The following HDAC9 variants were observed in gnomAD, a reference collection of about 807,000 sequenced individuals.
The protein encoded by HDAC9 is MEF-2 interacting transcription repressor (MITR) protein.
In HDAC9, 41 loss-of-function variants were observed where a neutral mutation model predicts 139.4. The observed-to-expected ratio is 0.29, with a 90% CI of 0.23 to 0.38. The LOEUF (loss-of-function observed/expected upper bound fraction) is 0.38. Ranked by LOEUF, HDAC9 falls within the 10% of genes least tolerant of loss-of-function variation. The probability of loss-of-function intolerance (pLI) is 1.00; values close to 1 mark genes in which losing one functional copy is unlikely to be tolerated. For missense variants in HDAC9, 1,147 were observed against 1,297.0 expected, an observed-to-expected ratio of 0.88 and a Z score of 1.78; for synonymous variants, 517 against 476.2, an observed-to-expected ratio of 1.09 and a Z score of -1.12.
At chr7:18,572,351 TCAAATATGA>T (rs1824589034) in intron 2 of HDAC9, among the ~76,000 whole-genome samples, 1 of 148,342 alleles carries the variant, frequency 6.7e-6, no homozygotes, top group African/African-American at 2.5e-5. Flanking sequence ...TTTGTCATAT[TCAAATATGA>T]CAAATAGCTA....
At chr7:18,609,988 T>C (rs1489436605) in intron 6 of HDAC9, among the ~76,000 whole-genome samples, 1 of 152,106 alleles carries the variant, frequency 6.6e-6, no homozygotes, top group African/African-American at 2.4e-5. Context: ...TGGAAGACAG[T>C]GTGGCGATTC....
chr7:18,917,922 G>A (rs181792887), intron 22 of HDAC9, among the ~76,000 whole-genome samples: 110 of 152,048 alleles, frequency 7.2e-4, no homozygotes, highest in African/African-American at 2.4e-3. Context: ...ACCAAACTGA[G>A]CAGTTTAAGC....
rs144245077 is a variant in HDAC9, at chr7:18,930,036, T to A, written c.2804-5773T>A. 5.6e-3 allele frequency among the ~76,000 whole-genome samples: 846 copies of A among 152,288 alleles called. 9 individuals are homozygous for A. The highest frequency in any genetic ancestry group is 0.017 in the African/African-American group (715 of 41,552). On this transcript the variant is annotated intron_variant, in intron 22 of 25. Coordinates refer to ENST00000686413, the MANE Select transcript of HDAC9 (RefSeq NM_178425.4). The stretch of plus-strand genomic sequence containing the variant: ...GTAGTCAATACAGGTAATAGGGATG[T>A]CTGTCAAGGCTGATTTTTAGTCAGT...
intron 6 of HDAC9, among the ~76,000 whole-genome samples, chr7:18,628,980 GA>G: frequency 6.6e-6 from 1 of 152,226 alleles, no homozygotes; most frequent in South Asian, 2.1e-4. Context: ...ACCCTTGAGA[GA>G]ATTAAGAGGC....
At chr7:18,799,286 C>T (rs1316584902) in intron 17 of HDAC9, among the ~76,000 whole-genome samples, 1 of 152,054 alleles carries the variant, frequency 6.6e-6, no homozygotes, top group African/African-American at 2.4e-5. Flanking sequence ...GGAACAACAA[C>T]AAATCCTGGA....
At chr7:18,402,083 A>G (rs1787594618) in intron 1 of HDAC9, among the ~76,000 whole-genome samples, 1 of 152,230 alleles carries the variant, frequency 6.6e-6, no homozygotes, top group Non-Finnish European at 1.5e-5. Flanking sequence ...GAAAGGAAAC[A>G]ACTAATATTT....
chr7:18,255,626 CTTTT>C (rs11386457), intron 2 of HDAC9, among the ~76,000 whole-genome samples: 1 of 113,606 alleles, frequency 8.8e-6, no homozygotes, highest in African/African-American at 3.4e-5. Context: ...TTTTTCTTTC[CTTTT>C]TTTTTTTTTT....
intron 2 of HDAC9, among the ~76,000 whole-genome samples, chr7:18,570,031 A>G (rs1031517844): frequency 2.6e-5 from 4 of 152,222 alleles, no homozygotes; most frequent in African/African-American, 9.6e-5. Context: ...TTTACAGTTA[A>G]TTATGATTTA....
chr7:18,593,699 C>T (rs1831632792), intron 5 of HDAC9, among the ~76,000 whole-genome samples: 1 of 152,106 alleles, frequency 6.6e-6, no homozygotes, highest in African/African-American at 2.4e-5. Flanking sequence ...TATGACCAAA[C>T]ACATGCTGGA....
chr7:18,411,760 T>A (rs902115435), intron 1 of HDAC9, among the ~76,000 whole-genome samples: 2 of 150,974 alleles, frequency 1.3e-5, no homozygotes, highest in Non-Finnish European at 2.9e-5. Context: ...TAAGGTAGAC[T>A]AGGCAAAGCT....
At chr7:18,851,788 C>A (rs1343191056) in intron 21 of HDAC9, among the ~76,000 whole-genome samples, 1 of 152,172 alleles carries the variant, frequency 6.6e-6, no homozygotes, top group Non-Finnish European at 1.5e-5. Flanking sequence ...TTATTCCTGT[C>A]TTGTAAACTG....
intron 2 of HDAC9, among the ~76,000 whole-genome samples, chr7:18,214,055 A>G (rs1407905548): frequency 1.3e-5 from 2 of 152,158 alleles, no homozygotes; most frequent in African/African-American, 4.8e-5. Context: ...TACTCTTACC[A>G]GGAACTATGC....
At position 18,896,793 on chromosome 7, in the gene HDAC9, T is replaced by TA. The variant is rs533393859; in HGVS notation, c.2803+22198dup. 1.6e-3 allele frequency among the ~76,000 whole-genome samples: 239 copies of TA among 152,202 alleles called. 3 individuals carry two copies. Among genetic ancestry groups the TA allele is most frequent in the African/African-American group, 5.6e-3 (233 of 41,560 alleles). ...CGCCACTCCTGTGGACCTGGCTTGT[T>TA]AGAGAACTAGCAAGAACATTGTCTC... is the stretch of plus-strand genomic sequence containing the variant. On this transcript the variant is annotated intron_variant, in intron 22 of 25. Transcript: ENST00000686413.
chr7:18,853,672 C>T (rs1033583548), intron 21 of HDAC9, among the ~76,000 whole-genome samples: 1 of 152,158 alleles, frequency 6.6e-6, no homozygotes, highest in Non-Finnish European at 1.5e-5. Flanking sequence ...TTTGTCATAA[C>T]TGTTCTACTA....
rs888771291 is a variant in HDAC9 at position 18,123,443 on chromosome 7, C to T, written c.-97+36230C>T. ...TTCCATAGAAACAATGTTAGGTTTC[C>T]AGGCCAACCCACAAAAGCCTATTTA... On this transcript the variant is annotated intron_variant, in intron 1 of 12. Coordinates refer to the HDAC9 transcript ENST00000417496. 1.1e-4 allele frequency among the ~76,000 whole-genome samples: 16 copies of T among 152,124 alleles called. 1 individual carries two copies. Among genetic ancestry groups the T allele is most frequent in the Admixed American group, 6.6e-4 (10 of 15,260 alleles).
intron 2 of HDAC9, among the ~76,000 whole-genome samples, chr7:18,272,917 CT>C (rs1796448481): frequency 2.9e-4 from 1 of 3,478 alleles, no homozygotes; most frequent in Non-Finnish European, 8.3e-4. Context: ...ACTACTGCTA[CT>C]ACTACTACTA....
At chr7:18,938,794 G>A (rs1231542591) in intron 23 of HDAC9, among the ~76,000 whole-genome samples, 6 of 152,146 alleles carry the variant, frequency 3.9e-5, no homozygotes, top group Admixed American at 1.3e-4. Context: ...TATTGCAAAA[G>A]ATAGTCAAAG....
At chr7:18,353,574 CCT>C (rs1233677437) in intron 1 of HDAC9, among the ~76,000 whole-genome samples, 4 of 152,068 alleles carry the variant, frequency 2.6e-5, no homozygotes, top group African/African-American at 4.8e-5. Flanking sequence ...CTTTTTATTC[CCT>C]GAGTGCAAAT....
At chr7:18,553,990 T>C (rs1401438989) in intron 2 of HDAC9, among the ~76,000 whole-genome samples, 1 of 152,208 alleles carries the variant, frequency 6.6e-6, no homozygotes, top group Admixed American at 6.5e-5. Flanking sequence ...GTTCTTTTCT[T>C]GTATGGAAAT....
Sources: allele counts gnomAD v4.1 joint callset (sites outside exome capture counted in the v4.1 genomes callset), GRCh38; gene constraint gnomAD v4.1.1; transcripts MANE v1.5; gene names NCBI Gene and HGNC (gene_info 2026-07-23, HGNC 2026-07-21).